Variants in HHAT observed in about 807,000 individuals in gnomAD.
The protein encoded by HHAT is hedgehog acyltransferase.
HHAT carries 47 observed loss-of-function variants against 70.8 expected under a neutral mutation model. The observed-to-expected ratio is 0.66, with a 90% confidence interval of 0.53 to 0.85. HHAT has a LOEUF of 0.85. Ranked by LOEUF, HHAT falls within the 40% of genes least tolerant of loss-of-function variation. The pLI is 0.00. For missense variants in HHAT, 609 were observed against 604.8 expected, an observed-to-expected ratio of 1.01 and a Z score of -0.07; for synonymous variants, 228 against 247.6, an observed-to-expected ratio of 0.92 and a Z score of 0.74.
At chr1:210,482,722 T>C (rs967851188) in intron 8 of HHAT, among the ~76,000 whole-genome samples, 1 of 152,210 alleles carries the variant, frequency 6.6e-6, no homozygotes, top group Non-Finnish European at 1.5e-5. Context: ...ATACTTTAGG[T>C]AATGCATTAT....
intron 9 of HHAT, among the ~76,000 whole-genome samples, chr1:210,526,367 G>GTTTTGTTTTGTTTTGTTTTTTTGTTTTT: frequency 1.4e-5 from 2 of 142,336 alleles, no homozygotes; most frequent in African/African-American, 5.2e-5. Flanking sequence ...AGTGGGTTCT[G>GTTTTGTTTTGTTTTGTTTTTTTGTTTTT]TTTTTTTTTT....
chr1:210,438,326 C>T (rs2093426809), intron 7 of HHAT, among the ~76,000 whole-genome samples: 1 of 151,742 alleles, frequency 6.6e-6, no homozygotes. Context: ...TCAGGGATAG[C>T]TCACCTGGTG....
chr1:210,373,314 G>A (rs986937053), intron 3 of HHAT, among the ~76,000 whole-genome samples: 4 of 152,118 alleles, frequency 2.6e-5, no homozygotes, highest in Admixed American at 2.0e-4. Context: ...GGGGAAGTGG[G>A]AAGGAGGGAA....
chr1:210,508,976 G>C (rs994786728), intron 8 of HHAT, among the ~76,000 whole-genome samples: 3 of 152,164 alleles, frequency 2.0e-5, no homozygotes, highest in African/African-American at 7.2e-5. Flanking sequence ...TTTGAGATTA[G>C]GTTGTGGACA....
At position 210,374,446 on chromosome 1, in the gene HHAT, T is replaced by G. The variant is rs373855349; in HGVS notation, c.159+11527T>G. On this transcript the variant is annotated intron_variant, in intron 3 of 11. Transcript: ENST00000261458. ...AATATTCTTTTAAGCTTTAAATAATTTACTATGTGCAGGGTACTATGGGTA... is the reference window on the plus strand; with the variant it reads ...AATATTCTTTTAAGCTTTAAATAATGTACTATGTGCAGGGTACTATGGGTA... Among the ~76,000 whole-genome samples the G allele has an allele frequency of 1.6e-4, 24 of 152,320 alleles. No homozygotes were observed. The East Asian group carries it at 2.5e-3, about 16-fold the overall frequency.
At chr1:210,598,434 G>A (rs946297036) in intron 10 of HHAT, among the ~76,000 whole-genome samples, 2 of 152,142 alleles carry the variant, frequency 1.3e-5, no homozygotes, top group African/African-American at 2.4e-5. Flanking sequence ...TGCCTGGACT[G>A]CCTTTCAAGT....
At chr1:210,507,453 T>G (rs1050143768) in intron 8 of HHAT, among the ~76,000 whole-genome samples, 1 of 148,376 alleles carries the variant, frequency 6.7e-6, no homozygotes, top group African/African-American at 2.5e-5. Context: ...CTCCGCCTCC[T>G]GGGTTCAAGT....
chr1:210,475,452 T>C (rs1281956419), intron 8 of HHAT, among the ~76,000 whole-genome samples: 1 of 152,184 alleles, frequency 6.6e-6, no homozygotes, highest in Non-Finnish European at 1.5e-5. Flanking sequence ...GCAAGAGTGG[T>C]TTATCAGAGT....
chr1:210,574,421 G>T (rs764167870), intron 9 of HHAT, among the ~76,000 whole-genome samples: 3 of 152,284 alleles, frequency 2.0e-5, no homozygotes, highest in Non-Finnish European at 4.4e-5. Flanking sequence ...GGAGAATGAC[G>T]TAGAAGAAGC....
intron 7 of HHAT, among the ~76,000 whole-genome samples, chr1:210,432,259 T>C (rs2093267378): frequency 6.6e-6 from 1 of 151,566 alleles, no homozygotes; most frequent in Non-Finnish European, 1.5e-5. Context: ...AGAATGAGAA[T>C]AAAGGAGGGC....
At chr1:210,573,639 G>A (rs1433073688) in intron 9 of HHAT, among the ~76,000 whole-genome samples, 1 of 152,102 alleles carries the variant, frequency 6.6e-6, no homozygotes, top group Admixed American at 6.6e-5. Flanking sequence ...TTTTCTTTCG[G>A]TAGTTCCAGC....
intron 8 of HHAT, among the ~76,000 whole-genome samples, chr1:210,490,907 C>T (rs1020816996): frequency 6.6e-6 from 1 of 151,864 alleles, no homozygotes; most frequent in Non-Finnish European, 1.5e-5. Context: ...TTCTTTTACA[C>T]CAGAAGACAA....
chr1:210,369,633 T>A (rs1013942069), intron 3 of HHAT: 7 of 152,244 alleles, frequency 4.6e-5, no homozygotes, highest in African/African-American at 1.4e-4. Context: ...AGGCTCAGTC[T>A]CTGTCCTAAG....
intron 4 of HHAT, among the ~76,000 whole-genome samples, chr1:210,392,583 T>C (rs1345153501): frequency 2.0e-5 from 3 of 152,176 alleles, no homozygotes; most frequent in African/African-American, 4.8e-5. Context: ...AAAACTTAGA[T>C]AAAATATAGT....
chr1:210,661,614 C>T (rs753033820), intron 11 of HHAT, among the ~76,000 whole-genome samples: 17 of 152,242 alleles, frequency 1.1e-4, no homozygotes, highest in East Asian at 1.9e-4. Context: ...ATGTTTATTG[C>T]GGAACTATTC....
At position 210,461,618 on chromosome 1, in the gene HHAT, A is replaced by C. The variant is rs547542648; in HGVS notation, c.857-2887A>C. Among the ~76,000 whole-genome samples the C allele has an allele frequency of 8.2e-4, 125 of 152,296 alleles. 3 individuals are homozygous for C. The South Asian group carries it at 0.025, about 31-fold the overall frequency. ...TGCCTGGCTGAGCCATGCATTTTTC[A>C]AAGGGATAATGAAAATCAACAGCAA... On this transcript the variant is annotated intron_variant, in intron 7 of 11. Coordinates refer to ENST00000261458, the MANE Select transcript of HHAT (RefSeq NM_018194.6).
intron 1 of HHAT, 86 bp downstream of exon 1, chr1:210,329,190 A>G: frequency 8.2e-7 from 1 of 1,223,934 alleles, no homozygotes; most frequent in Non-Finnish European, 1.0e-6. Flanking sequence ...AAAAAAATGC[A>G]CAAAACGCTT....
rs143681894 is a variant in HHAT at position 210,497,107 on chromosome 1, G to A, written c.1008-16046G>A. Among the ~76,000 whole-genome samples the A allele has an allele frequency of 5.7e-3, 867 of 152,222 alleles. 13 individuals carry two copies. Among genetic ancestry groups the A allele is most frequent in the South Asian group, 0.049 (234 of 4,820 alleles). ...GTGTGGTCTGAGTAATGAGCTTATGGGAAATTCTACCTGGAGATAAATGGG... is the reference window on the plus strand; with the variant it reads ...GTGTGGTCTGAGTAATGAGCTTATGAGAAATTCTACCTGGAGATAAATGGG... On this transcript the variant is annotated intron_variant, in intron 8 of 11. Coordinates refer to ENST00000261458, the MANE Select transcript of HHAT (RefSeq NM_018194.6).
intron 9 of HHAT, among the ~76,000 whole-genome samples, chr1:210,551,994 C>G (rs1302324863): frequency 1.3e-5 from 2 of 152,180 alleles, no homozygotes; most frequent in Non-Finnish European, 2.9e-5. Flanking sequence ...CAATACAATG[C>G]TAGGAGTTGA....
Sources: gnomAD v4.1 joint callset for allele counts (sites outside exome capture counted in the v4.1 genomes callset) on GRCh38, gnomAD v4.1.1 for gene constraint, MANE v1.5 for transcripts, NCBI Gene and HGNC (gene_info 2026-07-23, HGNC 2026-07-21) for gene names.